The following SORBS2 variants were observed in gnomAD, a reference collection of about 807,000 sequenced individuals.
SORBS2 encodes sorbin and SH3 domain-containing protein 2.
A neutral mutation model predicts 97.7 loss-of-function variants in SORBS2; 46 were observed. The observed-to-expected ratio is 0.47, with a 90% CI of 0.37 to 0.60. The LOEUF is 0.60. Ranked by LOEUF, SORBS2 falls within the 20% of genes least tolerant of loss-of-function variation. The pLI, the probability that SORBS2 is intolerant of heterozygous loss-of-function variation, is 0.00. For missense variants in SORBS2, 1,316 were observed against 1,282.3 expected (o/e 1.03, Z -0.40); for synonymous variants, 476 against 473.4 (o/e 1.01, Z -0.07).
intron 1 of SORBS2, among the ~76,000 whole-genome samples, chr4:185,946,339 C>CA (rs575966294): frequency 2.6e-5 from 4 of 151,956 alleles, no homozygotes; most frequent in East Asian, 3.9e-4. Context: ...ATAATTGGAA[C>CA]AAAAAAATGT....
chr4:185,869,375 A>G (rs888522274), intron 1 of SORBS2, among the ~76,000 whole-genome samples: 29 of 152,222 alleles, frequency 1.9e-4, no homozygotes, highest in African/African-American at 7.0e-4. Flanking sequence ...TACTGAAAAC[A>G]GTAGATATAG....
exon 15 of SORBS2, chr4:185,587,638 TGAC>T: frequency 6.2e-7 from 1 of 1,613,390 alleles, no homozygotes; most frequent in South Asian, 1.1e-5. Context: ...CACAGCCTCT[TGAC>T]GTAGTTTCCG....
chr4:185,925,224 GTCAT>G (rs2149939737), intron 1 of SORBS2, among the ~76,000 whole-genome samples: 1 of 152,202 alleles, frequency 6.6e-6, no homozygotes, highest in South Asian at 2.1e-4. Flanking sequence ...CCCTAAAACA[GTCAT>G]TCTTCTTTTT....
Position 185,615,026 on chromosome 4 carries a change from A to G in SORBS2, c.2466+19T>C. On this transcript the variant is annotated intron_variant, in intron 10 of 14. Transcript: ENST00000418609. ...CTTTGAAACCACCGCCATCCAAGAG[A>G]GAAAGGGAGAGGACCTACCTCTACG... The G allele has an allele frequency of 6.2e-7, 1 of 1,613,470 alleles. No individual in the cohort carries two copies. The highest frequency in any genetic ancestry group is 1.3e-5 in the African/African-American group (1 of 75,020).
At chr4:185,666,235 T>C (rs763307482) in intron 4 of SORBS2, 2 of 1,141,758 alleles carry the variant, frequency 1.8e-6, no homozygotes, top group Non-Finnish European at 2.3e-6. Flanking sequence ...TAATAAGAGA[T>C]AAATTATCCA....
At position 185,914,772 on chromosome 4, in the gene SORBS2, C is replaced by A. The variant is rs188691571; in HGVS notation, c.-338+41424G>T. ...GCTTTGTTTTCATTCCCTGCACGGC[C>A]CTTGCCCTCTTCCTGTCTCGGCATC... On this transcript the variant is annotated intron_variant, in intron 1 of 20. Transcript: ENST00000284776. Among the ~76,000 whole-genome samples the A allele has an allele frequency of 2.0e-3, 312 of 152,332 alleles. 1 individual carries two copies. The highest frequency in any genetic ancestry group is 7.3e-3 in the African/African-American group (303 of 41,574).
At chr4:185,676,713 A>G (rs2097792456) in intron 4 of SORBS2, among the ~76,000 whole-genome samples, 1 of 150,008 alleles carries the variant, frequency 6.7e-6, no homozygotes, top group Non-Finnish European at 1.5e-5. Flanking sequence ...TTAAATGATA[A>G]CTGACCCCTC....
At chr4:185,611,381 ATATT>A (rs1286079521) in intron 12 of SORBS2, among the ~76,000 whole-genome samples, 1 of 151,454 alleles carries the variant, frequency 6.6e-6, no homozygotes, top group Non-Finnish European at 1.5e-5. Context: ...ATATATGATT[ATATT>A]TATTTATATG....
rs1395117973 is a variant in SORBS2, at chr4:185,623,316, C to T, written c.1813G>A (p.Val605Ile). The T allele has an allele frequency of 4.3e-6, 7 of 1,614,030 alleles. No homozygotes were observed. The highest frequency in any genetic ancestry group is 2.2e-5 in the East Asian group (1 of 44,882). Residue 605 changes from valine (V) to isoleucine (I), a missense_variant, in exon 7 of 15, where the codon GTC becomes ATC. Physicochemically the swap from Val to Ile is conservative, Grantham distance 29 (BLOSUM62 3). Coordinates refer to ENST00000418609, the Ensembl canonical transcript of SORBS2. The surrounding 1 kb of genome is among the most constrained non-coding windows in gnomAD (Gnocchi z 6.4). ...TTCCTCCGGAAAGGCACAGGACTGA[C>T]TAGAAAAGCAAGTTTAGAAAGGCCA...
intron 1 of SORBS2, among the ~76,000 whole-genome samples, chr4:185,878,754 G>A (rs78049495): frequency 0.077 from 11,717 of 152,194 alleles, 584 homozygotes; most frequent in Non-Finnish European, 0.11. Flanking sequence ...ACTCCCCAGT[G>A]GAGAGCCCGA....
intron 1 of SORBS2, among the ~76,000 whole-genome samples, chr4:185,926,369 G>C (rs890556490): frequency 6.6e-6 from 1 of 152,000 alleles, no homozygotes; most frequent in Non-Finnish European, 1.5e-5. Context: ...GTGCCTTGTC[G>C]CCTACAGACT....
chr4:185,946,122 T>C (rs543634557), intron 1 of SORBS2, among the ~76,000 whole-genome samples: 1 of 142,726 alleles, frequency 7.0e-6, no homozygotes, highest in South Asian at 2.1e-4. Context: ...TGGGTTTCTA[T>C]GCATGTGTGT....
chr4:185,922,913 G>A (rs1224042932), intron 1 of SORBS2, among the ~76,000 whole-genome samples: 1 of 152,170 alleles, frequency 6.6e-6, no homozygotes, highest in African/African-American at 2.4e-5. Context: ...AACTGAAACT[G>A]AAAATTCATA....
At chr4:185,773,500 T>C (rs1366817974) in intron 2 of SORBS2, 1 of 152,242 alleles carries the variant, frequency 6.6e-6, no homozygotes, top group Non-Finnish European at 1.5e-5. Flanking sequence ...CTGCCGTAGC[T>C]TTCTCCACAG....
chr4:185,751,371 C>A (rs913966738), intron 2 of SORBS2, among the ~76,000 whole-genome samples: 1 of 151,714 alleles, frequency 6.6e-6, no homozygotes, highest in East Asian at 1.9e-4. Flanking sequence ...TGAGACAAAG[C>A]GAGATGAGAC....
At chr4:185,849,693 G>A (rs1028195445) in intron 1 of SORBS2, among the ~76,000 whole-genome samples, 7 of 152,092 alleles carry the variant, frequency 4.6e-5, no homozygotes, top group Admixed American at 4.6e-4. Flanking sequence ...GCAGGCCTGG[G>A]ACTTTGCCTA....
intron 1 of SORBS2, among the ~76,000 whole-genome samples, chr4:185,915,177 CAGCA>C (rs2099257427): frequency 1.3e-5 from 2 of 152,200 alleles, no homozygotes; most frequent in Non-Finnish European, 2.9e-5. Context: ...CTGCTTTCAG[CAGCA>C]TTTGTGTGTA....
At chr4:185,712,384 G>C (rs2098427965) in intron 2 of SORBS2, among the ~76,000 whole-genome samples, 1 of 152,104 alleles carries the variant, frequency 6.6e-6, no homozygotes, top group Admixed American at 6.5e-5. Flanking sequence ...TTCCCACTGA[G>C]AGCCACTTTA....
intron 12 of SORBS2, among the ~76,000 whole-genome samples, chr4:185,596,435 A>T (rs1308305816): frequency 6.6e-6 from 1 of 151,938 alleles, no homozygotes; most frequent in African/African-American, 2.4e-5. Context: ...CCATTATGAA[A>T]ATTTGGTGAT....
Sources: gnomAD v4.1 joint callset for allele counts (sites outside exome capture counted in the v4.1 genomes callset) on GRCh38, gnomAD v4.1.1 for gene constraint, Gnocchi (gnomAD v3.1) non-coding constraint, MANE v1.5 for transcripts, NCBI Gene and HGNC (gene_info 2026-07-23, HGNC 2026-07-21) for gene names.